Variants in WDSUB1 observed in about 807,000 individuals in gnomAD.
WDSUB1 encodes the protein WD repeat, SAM and U-box domain-containing protein 1.
WDSUB1 carries 49 observed loss-of-function variants against 53.9 expected under a neutral mutation model. The observed-to-expected ratio is 0.91, with a 90% CI of 0.72 to 1.15. The LOEUF (loss-of-function observed/expected upper bound fraction) is 1.15. Ranked by LOEUF, WDSUB1 falls within the 50% of genes most tolerant of loss-of-function variation. WDSUB1 has a pLI of 0.00. For synonymous variants in WDSUB1, 194 were observed against 200.6 expected (o/e 0.97, Z 0.28); for missense variants, 514 against 562.0 (o/e 0.91, Z 0.86).
intron 5 of WDSUB1, among the ~76,000 whole-genome samples, chr2:159,266,493 ATC>A (rs1232615988): frequency 6.6e-6 from 1 of 152,064 alleles, no homozygotes; most frequent in Non-Finnish European, 1.5e-5. Context: ...TGGCCAAGGA[ATC>A]TTACTTTTAA....
intron 6 of WDSUB1, 30 bp downstream of exon 6, chr2:159,259,780 T>C (rs10196279): frequency 0.035 from 52,377 of 1,506,594 alleles, 3,187 homozygotes; most frequent in African/African-American, 0.22. Context: ...ATAACTTTCA[T>C]AGATCACCAC....
intron 10 of WDSUB1, among the ~76,000 whole-genome samples, chr2:159,239,294 A>G (rs2060576254): frequency 7.5e-6 from 1 of 134,192 alleles, no homozygotes; most frequent in African/African-American, 3.5e-5. Context: ...CATGGATTAT[A>G]CTGCACCCAG....
chr2:159,256,108 A>G, intron 9 of WDSUB1, 88 bp downstream of exon 9: 1 of 1,294,588 alleles, frequency 7.7e-7, no homozygotes. Flanking sequence ...CAGAACATTA[A>G]GAAGAAACCA....
At chr2:159,244,007 G>GCAAT (rs2060724561) in intron 10 of WDSUB1, among the ~76,000 whole-genome samples, 1 of 151,176 alleles carries the variant, frequency 6.6e-6, no homozygotes, top group South Asian at 2.1e-4. Context: ...AACTAATAAA[G>GCAAT]CAATCTATCC....
At chr2:159,259,145 T>C (rs2061136161) in intron 6 of WDSUB1, among the ~76,000 whole-genome samples, 1 of 152,078 alleles carries the variant, frequency 6.6e-6, no homozygotes, top group African/African-American at 2.4e-5. Flanking sequence ...TGCCTCAGAC[T>C]CCCAAGTAGC....
At chr2:159,248,224 A>G (rs1485417400) in intron 10 of WDSUB1, 148 bp downstream of exon 10, 2 of 837,360 alleles carry the variant, frequency 2.4e-6, no homozygotes, top group Non-Finnish European at 3.6e-6. Context: ...GAAATATACA[A>G]TATTCATTTG....
chr2:159,264,457 T>G (rs899027628), intron 5 of WDSUB1, among the ~76,000 whole-genome samples: 4 of 152,240 alleles, frequency 2.6e-5, no homozygotes, highest in African/African-American at 9.6e-5. Flanking sequence ...GACAATAAAC[T>G]CTATCATTTA....
chr2:159,243,832 T>C (rs1407194451), intron 10 of WDSUB1, among the ~76,000 whole-genome samples: 1 of 152,198 alleles, frequency 6.6e-6, no homozygotes, highest in Non-Finnish European at 1.5e-5. Flanking sequence ...AGCAGCACTA[T>C]ATATAACAGC....
chr2:159,282,766 C>A lies in WDSUB1; in HGVS notation c.304G>T (p.Val102Phe), dbSNP rs890827934. ...MEQPSGSPVR[V>F]CQFSPDSTCL... is the part of the protein sequence containing the mutation. ...GTGGAGTCTGGGGAAAACTGGCAAA[C>A]CCTCACAGGGCTGCCACTAGGCTGT... Residue 102 changes from valine to phenylalanine, a missense_variant, in exon 2 of 11, where the codon GTT becomes TTT. Transcript: ENST00000359774. 3 of 1,614,206 alleles carry A rather than the reference C, an allele frequency of 1.9e-6. No homozygotes were observed. Among genetic ancestry groups the A allele is most frequent in the Non-Finnish European group, 2.5e-6 (3 of 1,180,032 alleles).
intron 5 of WDSUB1, among the ~76,000 whole-genome samples, chr2:159,271,251 T>C (rs1301882479): frequency 3.3e-5 from 5 of 152,304 alleles, no homozygotes; most frequent in Admixed American, 2.6e-4. Context: ...ACATACAATA[T>C]ATTCATAGAA....
chr2:159,238,992 G>A (rs577468675), intron 10 of WDSUB1, among the ~76,000 whole-genome samples: 1 of 152,108 alleles, frequency 6.6e-6, no homozygotes, highest in South Asian at 2.1e-4. Flanking sequence ...TCTTAAGTTT[G>A]GGGTTTTGGT....
At chr2:159,256,467 TA>T in intron 8 of WDSUB1, 92 bp from the exon 9 acceptor site, 1 of 1,370,664 alleles carries the variant, frequency 7.3e-7, no homozygotes, top group Non-Finnish European at 1.0e-6. Flanking sequence ...GAAATTTCCT[TA>T]AATCTGTGTT....
intron 3 of WDSUB1, among the ~76,000 whole-genome samples, chr2:159,278,112 G>A (rs977768895): frequency 6.6e-6 from 1 of 151,942 alleles, no homozygotes; most frequent in African/African-American, 2.4e-5. Flanking sequence ...ACCAAAAAAG[G>A]AACCTAGATC....
chr2:159,278,233 A>G (rs2061583332), intron 3 of WDSUB1, among the ~76,000 whole-genome samples: 1 of 152,226 alleles, frequency 6.6e-6, no homozygotes, highest in Non-Finnish European at 1.5e-5. Context: ...CTTACAGTAA[A>G]ATATCACAGA....
intron 3 of WDSUB1, among the ~76,000 whole-genome samples, chr2:159,279,405 T>TA (rs1399352969): frequency 4.6e-5 from 7 of 152,260 alleles, no homozygotes; most frequent in Non-Finnish European, 8.8e-5. Flanking sequence ...TGAATATCAA[T>TA]ATAGTGTTCT....
intron 3 of WDSUB1, among the ~76,000 whole-genome samples, chr2:159,277,385 C>T (rs771194687): frequency 5.9e-5 from 9 of 152,136 alleles, no homozygotes; most frequent in East Asian, 1.9e-4. Context: ...TAATTAGCAA[C>T]GCTATTTGTT....
intron 9 of WDSUB1, 44 bp downstream of exon 9, chr2:159,256,152 G>A (rs997755717): frequency 6.5e-7 from 1 of 1,546,880 alleles, no homozygotes; most frequent in Non-Finnish European, 8.7e-7. Context: ...AGAGTAATTT[G>A]GTAAAAGTTG....
At chr2:159,237,979 T>C (rs1201803265) in intron 10 of WDSUB1, among the ~76,000 whole-genome samples, 2 of 149,038 alleles carry the variant, frequency 1.3e-5, no homozygotes, top group Non-Finnish European at 3.0e-5. Flanking sequence ...TCTAAGTTTT[T>C]CATTCCTGCT....
intron 3 of WDSUB1, among the ~76,000 whole-genome samples, chr2:159,276,035 C>G (rs1001783739): frequency 4.7e-5 from 7 of 150,374 alleles, no homozygotes; most frequent in African/African-American, 1.7e-4. Context: ...CATTCCTAAC[C>G]TTTTTTTAAG....
Sources: allele counts gnomAD v4.1 joint callset (sites outside exome capture counted in the v4.1 genomes callset), GRCh38; gene constraint gnomAD v4.1.1; transcripts MANE v1.5; gene names NCBI Gene and HGNC (gene_info 2026-07-23, HGNC 2026-07-21).